The following RGCC variants were observed in gnomAD, a reference collection of about 807,000 sequenced individuals.
RGCC encodes the protein regulator of cell cycle RGCC.
A neutral mutation model predicts 15.4 loss-of-function variants in RGCC; 15 were observed. The observed-to-expected ratio is 0.97, with a 90% confidence interval of 0.65 to 1.50. The LOEUF is 1.50. Among genes scored for constraint, RGCC ranks in the 40% most tolerant of loss-of-function variants. RGCC has a pLI of 0.00. For missense variants in RGCC, 176 were observed against 189.7 expected (o/e 0.93, Z 0.42); for synonymous variants, 81 against 78.0 (o/e 1.04, Z -0.20).
chr13:41,466,221 T>TCA (rs367857777), intron 2 of RGCC, among the ~76,000 whole-genome samples: 1 of 147,658 alleles, frequency 6.8e-6, no homozygotes, highest in South Asian at 2.2e-4. Flanking sequence ...ACACACTTTC[T>TCA]CACACACACA....
rs1000438910 is a variant in RGCC at position 41,469,285 on chromosome 13, A to T, written c.406+447A>T. Among the ~76,000 whole-genome samples, 5 of 113,550 alleles carry T rather than the reference A, an allele frequency of 4.4e-5. No homozygotes were observed. In the Admixed American group the frequency reaches 4.9e-4, roughly 11 times the overall value. 74.5% of individuals were successfully genotyped at this position (113,550 alleles called of 152,430 possible). ...AATAGTAATAATAATAATAATAATA[A>T]TAATAATAATAAGAAGAAGAAGAAG... On this transcript the variant is annotated intron_variant, in intron 4 of 4. Transcript: ENST00000379359.
At chr13:41,467,639 T>C (rs2043855176) in intron 3 of RGCC, among the ~76,000 whole-genome samples, 1 of 152,260 alleles carries the variant, frequency 6.6e-6, no homozygotes, top group Admixed American at 6.5e-5. Flanking sequence ...AAATGGAACA[T>C]AGTTAAAAAG....
rs978731290 is a variant in RGCC, at chr13:41,458,519, G to T, written c.235+49G>T. 1.3e-6 allele frequency: 2 copies of T among 1,529,884 alleles called. No individual in the cohort carries two copies. Among genetic ancestry groups the T allele is most frequent in the African/African-American group, 2.8e-5 (2 of 72,420 alleles). The allele number at this position is 1,529,884 out of a possible 1,614,324, so 94.8% of individuals were successfully genotyped here. A position where few individuals can be genotyped will look rare whatever the true frequency, so the allele number is the denominator to read the frequency against. ...GGCGCCGGGATCTCCCAGCTCCCAG[G>T]ACCTGCCCCGCGAAGGCTGCGGCCT... On this transcript the variant is annotated intron_variant, in intron 2 of 4. Coordinates refer to ENST00000379359, the MANE Select transcript of RGCC (RefSeq NM_014059.3). This position sits in a 1 kb window ranked among gnomAD's most constrained non-coding sequence, Gnocchi z 4.4.
At position 41,457,652 on chromosome 13, in the gene RGCC, G is replaced by A. The variant is rs2043798953; in HGVS notation, c.-56G>A. 2 of 1,502,822 alleles carry A rather than the reference G, an allele frequency of 1.3e-6. No homozygotes were observed. Among genetic ancestry groups the A allele is most frequent in the Non-Finnish European group, 1.8e-6 (2 of 1,127,654 alleles). The allele number at this position is 1,502,822 out of a possible 1,614,324, so 93.1% of individuals were successfully genotyped here. A position where few individuals can be genotyped will look rare whatever the true frequency, so the allele number is the denominator to read the frequency against. ...GGACAGCAAGCCCCCGAATAGCCCC[G>A]GCTGCCACCTCGCAGGACCCAAGGC... is the stretch of plus-strand genomic sequence containing the variant. On this transcript the variant is annotated 5_prime_UTR_variant, in exon 1 of 5. Transcript: ENST00000379359. The surrounding 1 kb of genome is among the most constrained non-coding windows in gnomAD (Gnocchi z 4.9).
chr13:41,469,292 T>TAAGAAGAAGAAGAAGAAG (rs1440435520), intron 4 of RGCC, among the ~76,000 whole-genome samples: 36 of 82,064 alleles, frequency 4.4e-4, no homozygotes, highest in African/African-American at 1.3e-3. Context: ...ATAATAATAA[T>TAAGAAGAAGAAGAAGAAG]AATAAGAAGA....
intron 4 of RGCC, among the ~76,000 whole-genome samples, chr13:41,469,171 G>C (rs2043862377): frequency 6.6e-6 from 1 of 151,968 alleles, no homozygotes; most frequent in Non-Finnish European, 1.5e-5. Context: ...TGAGGTAGGA[G>C]AATCACTTGA....
In RGCC at chr13:41,470,512, A is replaced by G. The variant is rs1239951162; in HGVS notation, c.*27A>G. ...ACAAGAAGTTCTGGGTCCTTTCATC[A>G]TAAGGGAGAAGCTTCAGAAAGTTCC... is the stretch of plus-strand genomic sequence containing the variant. On this transcript the variant is annotated 3_prime_UTR_variant, in exon 5 of 5. Coordinates refer to ENST00000379359, the MANE Select transcript of RGCC (RefSeq NM_014059.3). The G allele has an allele frequency of 1.2e-6, 2 of 1,612,088 alleles. No homozygotes were observed. Among genetic ancestry groups the G allele is most frequent in the Non-Finnish European group, 1.7e-6 (2 of 1,178,212 alleles).
intron 3 of RGCC, 144 bp from the exon 4 acceptor site, chr13:41,468,632 G>C: frequency 1.5e-6 from 1 of 675,290 alleles, no homozygotes; most frequent in Non-Finnish European, 2.6e-6. Flanking sequence ...CTGAAGATAA[G>C]GAGGTAGATG....
At chr13:41,459,053 C>T (rs2043808319) in intron 2 of RGCC, among the ~76,000 whole-genome samples, 1 of 152,096 alleles carries the variant, frequency 6.6e-6, no homozygotes, top group African/African-American at 2.4e-5. Flanking sequence ...GCCAGGTCCT[C>T]CACCAGGCTG....
At chr13:41,463,036 C>G (rs764525649) in intron 2 of RGCC, among the ~76,000 whole-genome samples, 2 of 152,310 alleles carry the variant, frequency 1.3e-5, no homozygotes, top group Admixed American at 6.5e-5. Context: ...GAGTGCTATT[C>G]TGCACTTTGC....
Position 41,457,648 on chromosome 13 carries a change from C to T in RGCC, c.-60C>T. ...TGCGGGACAGCAAGCCCCCGAATAGCCCCGGCTGCCACCTCGCAGGACCCA... is the reference window on the plus strand; with the variant it reads ...TGCGGGACAGCAAGCCCCCGAATAGTCCCGGCTGCCACCTCGCAGGACCCA... On this transcript the variant is annotated 5_prime_UTR_variant, in exon 1 of 5. Coordinates refer to ENST00000379359, the MANE Select transcript of RGCC (RefSeq NM_014059.3). The surrounding 1 kb of genome is among the most constrained non-coding windows in gnomAD (Gnocchi z 4.9). 6.7e-7 allele frequency: 1 copy of T among 1,502,262 alleles called. No homozygotes were observed. The highest frequency in any genetic ancestry group is 8.9e-7 in the Non-Finnish European group (1 of 1,127,442). The allele number at this position is 1,502,262 out of a possible 1,614,324, so 93.1% of individuals were successfully genotyped here. A position where few individuals can be genotyped will look rare whatever the true frequency, so the allele number is the denominator to read the frequency against.
At position 41,457,749 on chromosome 13, in the gene RGCC, G is replaced by T. The variant is rs1293782349; in HGVS notation, c.42G>T (p.Ala14=). Residue 14 remains alanine, a synonymous_variant, in exon 1 of 5, where the codon GCG becomes GCT. Transcript: ENST00000379359. The surrounding 1 kb of genome is among the most constrained non-coding windows in gnomAD (Gnocchi z 4.9). ...PAAQGSPAAA[A]AAAPALDSAA... ...CGCAGGGCAGCCCCGCGGCCGCCGCGGCCGCAGGTGAGTGCGGGGTCCGGG... is the reference window on the plus strand; with the variant it reads ...CGCAGGGCAGCCCCGCGGCCGCCGCTGCCGCAGGTGAGTGCGGGGTCCGGG... The T allele has an allele frequency of 1.4e-6, 2 of 1,396,276 alleles. No individual in the cohort carries two copies. The highest frequency in any genetic ancestry group is 7.7e-5 in the Admixed American group (2 of 25,920). 86.5% of individuals were successfully genotyped at this position (1,396,276 alleles called of 1,614,324 possible). A position where few individuals can be genotyped will look rare whatever the true frequency, so the allele number is the denominator to read the frequency against.
Position 41,457,923 on chromosome 13 carries a change from G to C in RGCC, c.49+167G>C, listed in dbSNP as rs796997804. Among the ~76,000 whole-genome samples, 78 of 151,914 alleles carry C rather than the reference G, an allele frequency of 5.1e-4. No homozygotes were observed. Among genetic ancestry groups the C allele is most frequent in the African/African-American group, 1.8e-3 (74 of 41,462 alleles). On this transcript the variant is annotated intron_variant, in intron 1 of 4. Coordinates refer to ENST00000379359, the MANE Select transcript of RGCC (RefSeq NM_014059.3). The surrounding 1 kb of genome is among the most constrained non-coding windows in gnomAD (Gnocchi z 4.9). ...GCGGCTGCAGCCTCCTTTCCGGCCC[G>C]GGCTGGCCCCCATGTCCCACCTTCC...
intron 2 of RGCC, among the ~76,000 whole-genome samples, chr13:41,465,896 T>G (rs2043844532): frequency 6.6e-6 from 1 of 152,116 alleles, no homozygotes; most frequent in Admixed American, 6.5e-5. Context: ...GTTTGTATTT[T>G]AGGAGGCTCA....
At position 41,458,311 on chromosome 13, in the gene RGCC, G is replaced by A. The variant is rs377424288; in HGVS notation, c.76G>A (p.Glu26Lys). ...CCCGGCCCTGGACTCGGCGGCCGCG[G>A]AGGACCTGTCGGACGCGCTGTGCGA... ...AAPALDSAAA[E>K]DLSDALCEFD... The change falls in exon 2 of 5, where the codon GAG becomes AAG. Residue 26 changes from glutamate (E) to lysine (K), a missense_variant. By Grantham distance (56) the Glu-to-Lys change is moderately conservative. Transcript: ENST00000379359. The surrounding 1 kb of genome is among the most constrained non-coding windows in gnomAD (Gnocchi z 4.4). The A allele has an allele frequency of 1.9e-4, 302 of 1,582,722 alleles. No homozygotes were observed. Among genetic ancestry groups the A allele is most frequent in the Non-Finnish European group, 2.5e-4 (294 of 1,171,594 alleles).
rs1179216453 is a variant in RGCC at position 41,466,946 on chromosome 13, G to A, written c.343+16G>A. On this transcript the variant is annotated intron_variant, in intron 3 of 4. Transcript: ENST00000379359. The stretch of plus-strand genomic sequence containing the variant: ...CCTCAGAAAGGTAAGGTCATTAGTT[G>A]GAATTTGAGTTTTTTGCTTTTTTAT... The A allele has an allele frequency of 1.9e-6, 3 of 1,583,596 alleles. No homozygotes were observed. Among genetic ancestry groups the A allele is most frequent in the Middle Eastern group, 1.7e-4 (1 of 6,044 alleles).
Position 41,458,301 on chromosome 13 carries a change from G to C in RGCC, c.66G>C (p.Ser22=), listed in dbSNP as rs1180689250. 10 of 1,577,594 alleles carry C rather than the reference G, an allele frequency of 6.3e-6. No individual in the cohort carries two copies. Among genetic ancestry groups the C allele is most frequent in the South Asian group, 4.6e-5 (4 of 87,826 alleles). Residue 22 remains serine (S), a synonymous_variant, in exon 2 of 5, where the codon TCG becomes TCC. Transcript: ENST00000379359. The surrounding 1 kb of genome is among the most constrained non-coding windows in gnomAD (Gnocchi z 4.4). ...AAAAAAPALD[S]AAAEDLSDAL... is the part of the protein sequence containing the mutation. ...TGCCCGCAGCCCCGGCCCTGGACTC[G>C]GCGGCCGCGGAGGACCTGTCGGACG... is the stretch of plus-strand genomic sequence containing the variant.
chr13:41,463,273 A>G (rs2043830607), intron 2 of RGCC, among the ~76,000 whole-genome samples: 1 of 151,298 alleles, frequency 6.6e-6, no homozygotes, highest in Admixed American at 6.6e-5. Flanking sequence ...GCCATACACG[A>G]TGTGTAGATA....
intron 4 of RGCC, 79 bp from the exon 5 acceptor site, chr13:41,470,399 G>A (rs376936755): frequency 1.8e-4 from 262 of 1,434,028 alleles, no homozygotes; most frequent in Non-Finnish European, 2.2e-4. Context: ...TTTGATGCAC[G>A]TCTGAGACAG....
Sources: allele counts gnomAD v4.1 joint callset (sites outside exome capture counted in the v4.1 genomes callset), GRCh38; gene constraint gnomAD v4.1.1; non-coding constraint Gnocchi (gnomAD v3.1); transcripts MANE v1.5; gene names NCBI Gene and HGNC (gene_info 2026-07-23, HGNC 2026-07-21).